Variants in YLPM1 observed in about 807,000 individuals in gnomAD.
YLPM1 encodes the protein YLP motif containing 1.
In YLPM1, 99 loss-of-function variants were observed where a neutral mutation model predicts 230.0. That is an observed-to-expected ratio of 0.43 (90% CI 0.37 to 0.51). YLPM1 has a LOEUF of 0.51. Among genes scored for constraint, YLPM1 ranks in the 20% least tolerant of loss-of-function variants. The pLI is 0.00. For missense variants in YLPM1, 2,592 were observed against 2,707.7 expected, an observed-to-expected ratio of 0.96 and a Z score of 0.95; for synonymous variants, 984 against 942.5, an observed-to-expected ratio of 1.04 and a Z score of -0.81.
At position 74,802,517 on chromosome 14, in the gene YLPM1, G is replaced by A. The variant is rs766613006; in HGVS notation, c.4401-39G>A. The stretch of plus-strand genomic sequence containing the variant: ...TTGTAGTCACTTAGGAATGGAATAA[G>A]CATGCTTTATGTACTATGTCAATTT... On this transcript the variant is annotated intron_variant, in intron 5 of 20. Coordinates refer to ENST00000325680, the MANE Select transcript of YLPM1 (RefSeq NM_019589.3). The A allele has an allele frequency of 3.0e-5, 48 of 1,575,924 alleles. No homozygotes were observed. In the South Asian group the frequency reaches 5.5e-4, roughly 18 times the overall value.
intron 1 of YLPM1, among the ~76,000 whole-genome samples, chr14:74,775,331 A>G (rs2091024426): frequency 6.6e-6 from 1 of 152,212 alleles, no homozygotes; most frequent in Admixed American, 6.5e-5. Context: ...CCCTAAGAAA[A>G]ATTACATTCT....
chr14:74,829,859 T>C (rs1170200736), intron 19 of YLPM1, among the ~76,000 whole-genome samples: 1 of 152,216 alleles, frequency 6.6e-6, no homozygotes, highest in African/African-American at 2.4e-5. Context: ...TTTCTTCTAA[T>C]TAAGTTAGAA....
chr14:74,781,925 A>G lies in YLPM1; in HGVS notation c.1882A>G (p.Thr628Ala). The stretch of plus-strand genomic sequence containing the variant: ...GCCCCTCCCACCATTGTCTTCAGCT[A>G]CACCTCCTCCAGGAATACCTCCCCC... ...VMPLPPLSSA[T>A]PPPGIPPPGV... Residue 628 changes from threonine to alanine, a missense_variant, in exon 4 of 21, where the codon ACA (threonine) becomes GCA (alanine). This residue lies in a region of YLPM1 where 1,862 missense variants were observed against 1,819.8 expected (regional missense o/e 1.02). Transcript: ENST00000325680. The G allele has an allele frequency of 1.9e-6, 3 of 1,613,452 alleles. No individual in the cohort carries two copies. Among genetic ancestry groups the G allele is most frequent in the East Asian group, 2.2e-5 (1 of 44,850 alleles).
intron 4 of YLPM1, among the ~76,000 whole-genome samples, chr14:74,793,492 G>T (rs1302834811): frequency 6.6e-6 from 1 of 151,980 alleles, no homozygotes; most frequent in Admixed American, 6.6e-5. Context: ...ATTTATAGAT[G>T]CAGTCTCTTT....
chr14:74,793,475 G>A (rs532002038), intron 4 of YLPM1, among the ~76,000 whole-genome samples: 1 of 152,060 alleles, frequency 6.6e-6, no homozygotes, highest in South Asian at 2.1e-4. Flanking sequence ...ATAGCACATT[G>A]TTCTTGATTT....
intron 8 of YLPM1, 94 bp downstream of exon 8, chr14:74,810,096 A>C: frequency 1.4e-6 from 2 of 1,456,384 alleles, no homozygotes; most frequent in Non-Finnish European, 1.8e-6. Flanking sequence ...GCCTCCATTT[A>C]ATACAGCTAA....
At chr14:74,820,297 T>G (rs2091510734) in intron 16 of YLPM1, among the ~76,000 whole-genome samples, 2 of 152,196 alleles carry the variant, frequency 1.3e-5, no homozygotes, top group Non-Finnish European at 2.9e-5. Context: ...TTGCCCTGGC[T>G]GGAGTGCGGT....
chr14:74,809,481 G>A lies in YLPM1; in HGVS notation c.4623G>A (p.Arg1541=). The A allele has an allele frequency of 6.3e-7, 1 of 1,587,130 alleles. No homozygotes were observed. Among genetic ancestry groups the A allele is most frequent in the Non-Finnish European group, 8.6e-7 (1 of 1,165,656 alleles). ...CAAGATCATCTGTTCCTGTGACCAG[G>A]CCACCTGTCCCAATACCACCACCTC... is the stretch of plus-strand genomic sequence containing the variant. ...PPARSSVPVT[R]PPVPIPPPPP... Residue 1541 remains arginine, a synonymous_variant, in exon 7 of 21, where the codon AGG becomes AGA. Coordinates refer to ENST00000325680, the MANE Select transcript of YLPM1 (RefSeq NM_019589.3).
At chr14:74,804,949 T>C (rs2091362169) in intron 6 of YLPM1, among the ~76,000 whole-genome samples, 1 of 152,178 alleles carries the variant, frequency 6.6e-6, no homozygotes, top group African/African-American at 2.4e-5. Flanking sequence ...AATCTTTCAC[T>C]GTTATTCTTA....
chr14:74,815,003 G>A (rs1211167570), intron 11 of YLPM1, among the ~76,000 whole-genome samples: 1 of 152,040 alleles, frequency 6.6e-6, no homozygotes, highest in Non-Finnish European at 1.5e-5. Context: ...TAATTTGTTG[G>A]CATACAATTG....
At chr14:74,805,704 CTTTTTTT>C (rs571630763) in intron 6 of YLPM1, among the ~76,000 whole-genome samples, 4 of 134,562 alleles carry the variant, frequency 3.0e-5, no homozygotes, top group East Asian at 4.4e-4. Flanking sequence ...AATAAGCATA[CTTTTTTT>C]TTTTTTTTTT....
rs746801339 is a variant in YLPM1 at position 74,798,952 on chromosome 14, G to T, written c.3655G>T (p.Asp1219Tyr). 6.2e-7 allele frequency: 1 copy of T among 1,613,696 alleles called. No individual in the cohort carries two copies. The change falls in exon 5 of 21, where the codon GAT becomes TAT. Residue 1219 changes from aspartate (D) to tyrosine (Y), a missense_variant. By Grantham distance (160) the Asp-to-Tyr change is radical (BLOSUM62 -3). This residue lies in a region of YLPM1 where 1,862 missense variants were observed against 1,819.8 expected (regional missense o/e 1.02). Coordinates refer to ENST00000325680, the MANE Select transcript of YLPM1 (RefSeq NM_019589.3). ...RNAPMERERL[D>Y]DWDRERYWRE... ...TGCTCCAATGGAACGAGAAAGACTCGATGACTGGGATAGAGAGAGATACTG... is the reference window on the plus strand; with the variant it reads ...TGCTCCAATGGAACGAGAAAGACTCTATGACTGGGATAGAGAGAGATACTG...
chr14:74,776,660 C>T (rs2091042896), intron 1 of YLPM1, among the ~76,000 whole-genome samples: 1 of 152,208 alleles, frequency 6.6e-6, no homozygotes, highest in South Asian at 2.1e-4. Flanking sequence ...CCTTGCACTT[C>T]ATCTCGGCTG....
chr14:74,832,661 C>T lies in YLPM1; in HGVS notation c.6295-2604C>T, dbSNP rs545598951. Among the ~76,000 whole-genome samples the T allele has an allele frequency of 1.3e-3, 205 of 152,092 alleles. 1 individual carries two copies. Among genetic ancestry groups the T allele is most frequent in the African/African-American group, 3.6e-3 (148 of 41,516 alleles). On this transcript the variant is annotated intron_variant, in intron 19 of 20. Transcript: ENST00000325680. ...ATTTTGTTTGTATTTTTAGTAGAGA[C>T]GGGGTTTCGCCATGTTGGCCAGGCT...
In YLPM1 at chr14:74,791,966, GTCT is replaced by G. The variant is rs1250364548; in HGVS notation, c.2283-5609_2283-5607del. 2.6e-5 allele frequency among the ~76,000 whole-genome samples: 4 copies of G among 152,176 alleles called. No homozygotes were observed. In the East Asian group the frequency reaches 7.7e-4, roughly 29 times the overall value. On this transcript the variant is annotated intron_variant, in intron 4 of 20. Coordinates refer to ENST00000325680, the MANE Select transcript of YLPM1 (RefSeq NM_019589.3). ...GGACTCTTGTACATTGTGGAAGATA[GTCT>G]TCTTTTATCACTTATGTGAACAAAT...
rs1226031108 is a variant in YLPM1 at position 74,799,812 on chromosome 14, A to G, written c.4400+115A>G. ...ATTTTACTTCAAGTTCTTATCACAT[A>G]CTTTTAATTTATATTTCTGGTCATT... On this transcript the variant is annotated intron_variant, in intron 5 of 20. Coordinates refer to ENST00000325680, the MANE Select transcript of YLPM1 (RefSeq NM_019589.3). 1.4e-5 allele frequency: 19 copies of G among 1,397,994 alleles called. No individual in the cohort carries two copies. The African/African-American group carries it at 2.0e-4, about 15-fold the overall frequency. 86.6% of individuals were successfully genotyped at this position (1,397,994 alleles called of 1,614,324 possible).
At chr14:74,767,566 C>G (rs546603394) in intron 1 of YLPM1, among the ~76,000 whole-genome samples, 1 of 152,220 alleles carries the variant, frequency 6.6e-6, no homozygotes. Flanking sequence ...GACCTCTACC[C>G]ATTAGATGCC....
At chr14:74,779,491 C>G (rs1245583897) in intron 2 of YLPM1, among the ~76,000 whole-genome samples, 1 of 152,108 alleles carries the variant, frequency 6.6e-6, no homozygotes, top group Non-Finnish European at 1.5e-5. Context: ...GGGAGGTTCT[C>G]ATATTGGTCC....
intron 18 of YLPM1, among the ~76,000 whole-genome samples, chr14:74,825,490 CA>C (rs979704158): frequency 2.6e-5 from 4 of 151,996 alleles, no homozygotes; most frequent in Admixed American, 2.6e-4. Context: ...TAATAATAAC[CA>C]ATTGTCATCT....
Sources: allele counts gnomAD v4.1 joint callset (sites outside exome capture counted in the v4.1 genomes callset), GRCh38; gene constraint gnomAD v4.1.1; regional missense constraint gnomAD v4.1.1; transcripts MANE v1.5; gene names NCBI Gene and HGNC (gene_info 2026-07-23, HGNC 2026-07-21).